GRIK2: variants seen among roughly 807,000 people sequenced by gnomAD.
GRIK2 encodes the protein glutamate receptor ionotropic, kainate 2.
Under a neutral mutation model 100.3 loss-of-function variants are expected in GRIK2, and 32 were observed. That is an observed-to-expected ratio of 0.32 (90% CI 0.24 to 0.43). The LOEUF (loss-of-function observed/expected upper bound fraction) is 0.43, where lower values mean the gene tolerates loss of function less well. Among genes scored for constraint, GRIK2 ranks in the 20% least tolerant of loss-of-function variants. The probability of loss-of-function intolerance (pLI) is 1.00; values close to 1 mark genes in which losing one functional copy is unlikely to be tolerated. For synonymous variants in GRIK2, 417 were observed against 389.4 expected, an observed-to-expected ratio of 1.07 and a Z score of -0.83; for missense variants, 843 against 1,114.9, an observed-to-expected ratio of 0.76 and a Z score of 3.47.
At chr6:101,891,387 T>G (rs184242572) in intron 12 of GRIK2, among the ~76,000 whole-genome samples, 64 of 151,492 alleles carry the variant, frequency 4.2e-4, no homozygotes, top group East Asian at 1.6e-3. Context: ...CGTGGTGGTG[T>G]GCACCTGTAG....
intron 2 of GRIK2, among the ~76,000 whole-genome samples, chr6:101,550,843 A>G (rs1364387148): frequency 6.6e-6 from 1 of 152,194 alleles, no homozygotes; most frequent in African/African-American, 2.4e-5. Context: ...TAATAAGTTG[A>G]GTAACCTTGA....
At chr6:101,417,944 G>T (rs1018204029) in intron 2 of GRIK2, among the ~76,000 whole-genome samples, 1 of 152,132 alleles carries the variant, frequency 6.6e-6, no homozygotes, top group Non-Finnish European at 1.5e-5. Flanking sequence ...TGAAAATCTG[G>T]GTGTGGAAGA....
At chr6:101,560,108 A>C (rs1053279571) in intron 2 of GRIK2, among the ~76,000 whole-genome samples, 8 of 152,134 alleles carry the variant, frequency 5.3e-5, no homozygotes, top group African/African-American at 1.9e-4. Flanking sequence ...GTAGAACTGT[A>C]GTCCTTAGAA....
chr6:101,790,435 A>G (rs868426060), intron 7 of GRIK2, among the ~76,000 whole-genome samples: 1 of 151,908 alleles, frequency 6.6e-6, no homozygotes, highest in African/African-American at 2.4e-5. Context: ...GAATTTTGTC[A>G]AAGGCTTTTT....
chr6:101,933,717 A>G (rs1051734746), intron 14 of GRIK2, among the ~76,000 whole-genome samples: 2 of 151,958 alleles, frequency 1.3e-5, no homozygotes, highest in African/African-American at 4.8e-5. Flanking sequence ...TTACTGATGG[A>G]AAACATATGA....
intron 2 of GRIK2, among the ~76,000 whole-genome samples, chr6:101,595,708 G>GTATATATATATATA (rs1334674645): frequency 4.0e-5 from 5 of 125,618 alleles, no homozygotes; most frequent in African/African-American, 1.6e-4. Context: ...ATGTGTGTGT[G>GTATATATATATATA]TGTGTGTGTG....
At chr6:101,970,877 G>A (rs1793007116) in intron 14 of GRIK2, among the ~76,000 whole-genome samples, 1 of 150,166 alleles carries the variant, frequency 6.7e-6, no homozygotes, top group African/African-American at 2.5e-5. Flanking sequence ...CAGAAGTGAA[G>A]GCAAAAAATG....
At chr6:101,760,644 A>ATGTT (rs1170354207) in intron 7 of GRIK2, among the ~76,000 whole-genome samples, 1 of 117,394 alleles carries the variant, frequency 8.5e-6, no homozygotes, top group African/African-American at 3.2e-5. Context: ...ATATAATTAT[A>ATGTT]TATAATTATA....
intron 2 of GRIK2, among the ~76,000 whole-genome samples, chr6:101,591,205 A>T (rs1357073797): frequency 2.0e-5 from 3 of 149,360 alleles, no homozygotes; most frequent in African/African-American, 4.9e-5. Flanking sequence ...TTTTTTTTTT[A>T]ATTTTTCCGC....
Position 101,694,241 on chromosome 6 carries a change from C to T in GRIK2, c.951+7888C>T, listed in dbSNP as rs1329148033. Among the ~76,000 whole-genome samples, 7 of 151,956 alleles carry T rather than the reference C, an allele frequency of 4.6e-5. 1 individual carries two copies. The East Asian group carries it at 1.4e-3, about 29-fold the overall frequency. On this transcript the variant is annotated intron_variant, in intron 7 of 16. Coordinates refer to ENST00000369134, the MANE Select transcript of GRIK2 (RefSeq NM_021956.5). ...GGCATTGAACTTGAGAAAGCAAGTA[C>T]AGGGCACAAAGTAAAGGAAATACAA...
At chr6:101,761,019 C>A (rs902075041) in intron 7 of GRIK2, among the ~76,000 whole-genome samples, 13 of 151,958 alleles carry the variant, frequency 8.6e-5, no homozygotes, top group Admixed American at 6.6e-4. Flanking sequence ...CTCAGTGATT[C>A]TTCAGAAATG....
At chr6:101,973,352 A>G (rs1793174473) in intron 14 of GRIK2, among the ~76,000 whole-genome samples, 1 of 151,940 alleles carries the variant, frequency 6.6e-6, no homozygotes, top group Non-Finnish European at 1.5e-5. Context: ...CACCACTTTT[A>G]CATACATTTA....
At chr6:101,724,161 T>C (rs1774692462) in intron 7 of GRIK2, among the ~76,000 whole-genome samples, 1 of 148,912 alleles carries the variant, frequency 6.7e-6, no homozygotes, top group African/African-American at 2.6e-5. Flanking sequence ...ATGTCCACCC[T>C]TGCCTTAGGT....
At position 102,006,224 on chromosome 6, in the gene GRIK2, A is replaced by ACTT. The variant is rs34149174; in HGVS notation, c.2086-29116_2086-29114dup. On this transcript the variant is annotated intron_variant, in intron 14 of 16. Coordinates refer to ENST00000369134, the MANE Select transcript of GRIK2 (RefSeq NM_021956.5). Reference sequence around the variant, plus strand: ...TAACATTGTGTAATAAAAAATAAATACTTTCAAAAATTATTTAATTCTGTA... The same window carrying ACTT: ...TAACATTGTGTAATAAAAAATAAATACTTCTTTCAAAAATTATTTAATTCTGTA... 4.2e-3 allele frequency among the ~76,000 whole-genome samples: 641 copies of ACTT among 151,864 alleles called. 3 individuals carry two copies. The highest frequency in any genetic ancestry group is 6.9e-3 in the Admixed American group (105 of 15,226).
chr6:101,799,978 A>G (rs980952463), intron 8 of GRIK2, among the ~76,000 whole-genome samples, 187 bp downstream of exon 8: 7 of 152,134 alleles, frequency 4.6e-5, no homozygotes, highest in Admixed American at 2.6e-4. Context: ...GGGAAACAAA[A>G]TATCTATCAA....
chr6:101,608,378 A>G (rs1028712715), intron 2 of GRIK2, among the ~76,000 whole-genome samples: 5 of 151,916 alleles, frequency 3.3e-5, no homozygotes, highest in Admixed American at 6.6e-5. Flanking sequence ...ATACATTTAG[A>G]TTGTTTCAAT....
At chr6:101,513,780 C>G (rs1348058410) in intron 2 of GRIK2, among the ~76,000 whole-genome samples, 1 of 151,972 alleles carries the variant, frequency 6.6e-6, no homozygotes, top group Non-Finnish European at 1.5e-5. Flanking sequence ...AATGTTTATC[C>G]TTAATAACTT....
chr6:101,910,690 T>C (rs1344578952), intron 12 of GRIK2, among the ~76,000 whole-genome samples: 1 of 151,390 alleles, frequency 6.6e-6, no homozygotes, highest in Non-Finnish European at 1.5e-5. Context: ...AAATAATAGA[T>C]CTGCCTTTTA....
At chr6:101,754,249 AAC>A (rs1254486062) in intron 7 of GRIK2, among the ~76,000 whole-genome samples, 1 of 152,214 alleles carries the variant, frequency 6.6e-6, no homozygotes, top group Non-Finnish European at 1.5e-5. Context: ...ACAAATGTTA[AAC>A]ACAATCTTAT....
Sources: allele counts gnomAD v4.1 joint callset (sites outside exome capture counted in the v4.1 genomes callset), GRCh38; gene constraint gnomAD v4.1.1; transcripts MANE v1.5; gene names NCBI Gene and HGNC (gene_info 2026-07-23, HGNC 2026-07-21).